Variants in CACNA1I observed in about 807,000 individuals in gnomAD.
CACNA1I encodes the protein voltage-dependent T-type calcium channel subunit alpha-1I.
CACNA1I carries 74 observed loss-of-function variants against 201.6 expected under a neutral mutation model. The ratio of observed to expected loss-of-function variants is 0.37; its 90% CI spans 0.30 to 0.45. CACNA1I has a LOEUF of 0.45. Among genes scored for constraint, CACNA1I ranks in the 20% least tolerant of loss-of-function variants. CACNA1I has a pLI of 1.00. For synonymous variants in CACNA1I, 1,431 were observed against 1,345.2 expected (o/e 1.06, Z -1.40); for missense variants, 2,346 against 3,138.1 (o/e 0.75, Z 6.03).
At chr22:39,656,454 C>T (rs779210765) in intron 10 of CACNA1I, 2 of 518,312 alleles carry the variant, frequency 3.9e-6, no homozygotes, top group African/African-American at 3.9e-5. Flanking sequence ...CACCGCTCCC[C>T]TAGCCACCCC....
chr22:39,679,348 C>T lies in CACNA1I; in HGVS notation c.5297C>T (p.Thr1766Ile), dbSNP rs750702884. ...HGLGPGPRLP[T>I]GSPGAPGRGP... ...CTGGGCCCTGGCCCGAGGCTGCCTA[C>T]CGGCTCCCCGGGCGCCCCTGGCCGA... Residue 1766 changes from threonine to isoleucine, a missense_variant, in exon 32 of 37, where the codon ACC becomes ATC. Thr to Ile is a moderately conservative substitution (Grantham distance 89). Around this residue, in one of 13 missense-constraint regions of CACNA1I, gnomAD observed 441 missense variants for 555.6 expected, o/e 0.79. Coordinates refer to ENST00000402142, the MANE Select transcript of CACNA1I (RefSeq NM_021096.4). The T allele has an allele frequency of 1.3e-6, 2 of 1,541,302 alleles. No homozygotes were observed.
At chr22:39,638,983 G>T (rs138958507) in intron 5 of CACNA1I, among the ~76,000 whole-genome samples, 45 of 152,326 alleles carry the variant, frequency 3.0e-4, no homozygotes, top group African/African-American at 1.0e-3. Context: ...ATGCTCCCTT[G>T]CTGGACACTC....
chr22:39,667,129 C>A lies in CACNA1I; in HGVS notation c.4104+1123C>A, dbSNP rs185803283. Among the ~76,000 whole-genome samples, 374 of 152,352 alleles carry A rather than the reference C, an allele frequency of 2.5e-3. 3 individuals are homozygous for A. Among genetic ancestry groups the A allele is most frequent in the African/African-American group, 8.6e-3 (359 of 41,582 alleles). On this transcript the variant is annotated intron_variant, in intron 23 of 36. Coordinates refer to ENST00000402142, the MANE Select transcript of CACNA1I (RefSeq NM_021096.4). Reference sequence around the variant, plus strand: ...CTTACCAGCCGTGTGCCCTCAGACACGTGCCAGACCCTCTGTTCCAGTGTC... The same window carrying A: ...CTTACCAGCCGTGTGCCCTCAGACAAGTGCCAGACCCTCTGTTCCAGTGTC...
At chr22:39,624,523 T>C (rs1933845868) in intron 4 of CACNA1I, among the ~76,000 whole-genome samples, 1 of 152,220 alleles carries the variant, frequency 6.6e-6, no homozygotes, top group Admixed American at 6.5e-5. Context: ...GAGGACAGCC[T>C]GGTTCTCTCA....
chr22:39,609,378 A>G (rs896569793), intron 3 of CACNA1I, among the ~76,000 whole-genome samples: 2 of 152,222 alleles, frequency 1.3e-5, no homozygotes, highest in African/African-American at 2.4e-5. Flanking sequence ...AAACCCAACC[A>G]ACTGTGGCTC....
chr22:39,635,236 G>C (rs1321250796), intron 5 of CACNA1I, among the ~76,000 whole-genome samples: 1 of 152,198 alleles, frequency 6.6e-6, no homozygotes, highest in African/African-American at 2.4e-5. Context: ...GGCGTGCACC[G>C]ACTAAGTGCC....
At position 39,687,391 on chromosome 22, in the gene CACNA1I, G is replaced by A. The variant is rs1352049311; in HGVS notation, c.*986G>A. 1 of 152,292 alleles carries A rather than the reference G, an allele frequency of 6.6e-6. No homozygotes were observed. Among genetic ancestry groups the A allele is most frequent in the East Asian group, 1.9e-4 (1 of 5,186 alleles). The allele number at this position is 152,292 out of a possible 1,614,324, so 9.4% of individuals were successfully genotyped here. ...CCAGCTGCCCTGCAGGTGCCCCTGG[G>A]CTCAGGTAGTTAGTTGTTCAGCCAC... On this transcript the variant is annotated 3_prime_UTR_variant, in exon 37 of 37. Coordinates refer to ENST00000402142, the MANE Select transcript of CACNA1I (RefSeq NM_021096.4).
chr22:39,574,240 T>G (rs1379308365), intron 1 of CACNA1I, among the ~76,000 whole-genome samples: 1 of 152,176 alleles, frequency 6.6e-6, no homozygotes, highest in Non-Finnish European at 1.5e-5. Context: ...TCAAAGAGTG[T>G]GTGAGCCTAA....
chr22:39,639,257 A>G (rs1195093448), intron 5 of CACNA1I, among the ~76,000 whole-genome samples: 3 of 152,186 alleles, frequency 2.0e-5, no homozygotes, highest in Non-Finnish European at 4.4e-5. Flanking sequence ...CCATTACACA[A>G]AAAGTTTGCC....
At chr22:39,580,470 G>T (rs1188341634) in intron 1 of CACNA1I, among the ~76,000 whole-genome samples, 2 of 152,182 alleles carry the variant, frequency 1.3e-5, no homozygotes, top group African/African-American at 4.8e-5. Flanking sequence ...AAAGAGAACT[G>T]CAAGGCTGTC....
At position 39,646,631 on chromosome 22, in the gene CACNA1I, C is replaced by T. The variant is rs762985877; in HGVS notation, c.1212C>T (p.Thr404=). Residue 404 remains threonine, a synonymous_variant, in exon 8 of 37, where the codon ACC becomes ACT. Transcript: ENST00000402142. ...TCATAGCGACCCAGTTCTCGGAGAC[C>T]AAGCAACGGGAGCACCGGCTGATGC... is the stretch of plus-strand genomic sequence containing the variant. The part of the protein sequence containing the change: ...LVVIATQFSE[T]KQREHRLMLE... The T allele has an allele frequency of 5.7e-6, 9 of 1,573,398 alleles. No homozygotes were observed. The South Asian group carries it at 9.3e-5, about 16-fold the overall frequency.
At chr22:39,637,132 G>C (rs910706758) in intron 5 of CACNA1I, among the ~76,000 whole-genome samples, 2 of 152,230 alleles carry the variant, frequency 1.3e-5, no homozygotes, top group African/African-American at 4.8e-5. Context: ...TGGGGATGCA[G>C]AGACCCTTTA....
Position 39,677,991 on chromosome 22 carries a change from C to G in CACNA1I, c.4938C>G (p.Cys1646Trp). 1 of 1,588,798 alleles carries G rather than the reference C, an allele frequency of 6.3e-7. No homozygotes were observed. The highest frequency in any genetic ancestry group is 8.6e-7 in the Non-Finnish European group (1 of 1,168,228). The change falls in exon 31 of 37, where the codon TGC becomes TGG. Residue 1646 changes from cysteine (C) to tryptophan (W), a missense_variant. By Grantham distance (215) the Cys-to-Trp change is radical. Coordinates refer to ENST00000402142, the MANE Select transcript of CACNA1I (RefSeq NM_021096.4). The surrounding 1 kb of genome is among the most constrained non-coding windows in gnomAD (Gnocchi z 4.8). ...LGVELFGKLV[C>W]NDENPCEGMS... ...TGACCTCCTCCCCGCTTCCAGTCTG[C>G]AACGACGAGAACCCGTGCGAGGGCA...
At chr22:39,579,034 C>A (rs1051864678) in intron 1 of CACNA1I, among the ~76,000 whole-genome samples, 1 of 152,220 alleles carries the variant, frequency 6.6e-6, no homozygotes, top group African/African-American at 2.4e-5. Context: ...CTACGTGGGC[C>A]CTGCCCTTCT....
At chr22:39,644,052 G>T (rs7288937) in intron 7 of CACNA1I, among the ~76,000 whole-genome samples, 9,339 of 152,260 alleles carry the variant, frequency 0.061, 950 homozygotes, top group African/African-American at 0.21. Context: ...GGGATGGGGA[G>T]GTGGGAGGCT....
chr22:39,626,387 A>G (rs1933901147), intron 4 of CACNA1I, among the ~76,000 whole-genome samples: 1 of 152,186 alleles, frequency 6.6e-6, no homozygotes, highest in South Asian at 2.1e-4. Flanking sequence ...GTAGAGTGTC[A>G]GGGACGTCTT....
In CACNA1I at chr22:39,685,662, G is replaced by T; in HGVS notation, c.6028-99G>T. 1 of 1,032,704 alleles carries T rather than the reference G, an allele frequency of 9.7e-7. No homozygotes were observed. The highest frequency in any genetic ancestry group is 1.3e-6 in the Non-Finnish European group (1 of 768,538). 64.0% of individuals were successfully genotyped at this position (1,032,704 alleles called of 1,614,324 possible). A position where few individuals can be genotyped will look rare whatever the true frequency, so the allele number is the denominator to read the frequency against. ...CTGCTCCGAAGGGAGCTCCTTGGAT[G>T]GGGTCTGCCTGCTGCCTGCTGTGCG... On this transcript the variant is annotated intron_variant, in intron 36 of 36. Transcript: ENST00000402142. The surrounding 1 kb of genome is among the most constrained non-coding windows in gnomAD (Gnocchi z 5.0).
intron 29 of CACNA1I, among the ~76,000 whole-genome samples, chr22:39,674,668 C>T (rs984863200): frequency 6.6e-6 from 1 of 152,148 alleles, no homozygotes; most frequent in South Asian, 2.1e-4. Flanking sequence ...CCTTCCCTCC[C>T]CCGCTGTCTT....
intron 23 of CACNA1I, 133 bp from the exon 24 acceptor site, chr22:39,668,159 T>G (rs1935253610): frequency 3.2e-6 from 2 of 622,762 alleles, no homozygotes; most frequent in East Asian, 2.8e-5. Context: ...AGGGCACAGC[T>G]CTGCCACACA....
Sources: allele counts gnomAD v4.1 joint callset (sites outside exome capture counted in the v4.1 genomes callset), GRCh38; gene constraint gnomAD v4.1.1; regional missense constraint gnomAD v4.1.1; non-coding constraint Gnocchi (gnomAD v3.1); transcripts MANE v1.5; gene names NCBI Gene and HGNC (gene_info 2026-07-23, HGNC 2026-07-21).